The following RGS7 variants were observed in gnomAD, a reference collection of about 807,000 sequenced individuals.
RGS7 encodes regulator of G protein signaling 7.
RGS7 carries 27 observed loss-of-function variants against 81.1 expected under a neutral mutation model. The observed-to-expected ratio is 0.33, with a 90% CI of 0.25 to 0.46. The LOEUF is 0.46. Among genes scored for constraint, RGS7 ranks in the 20% least tolerant of loss-of-function variants. The probability of loss-of-function intolerance (pLI) is 1.00; values close to 1 mark genes in which losing one functional copy is unlikely to be tolerated. For synonymous variants in RGS7, 208 were observed against 207.7 expected (o/e 1.00, Z -0.01); for missense variants, 396 against 607.4 (o/e 0.65, Z 3.66).
intron 18 of RGS7, among the ~76,000 whole-genome samples, chr1:240,788,510 A>C (rs1016212651): frequency 1.3e-5 from 2 of 152,218 alleles, no homozygotes; most frequent in African/African-American, 4.8e-5. Context: ...GAATTGGTTA[A>C]ACATGAAAAC....
chr1:241,098,257 T>C (rs562950466), intron 3 of RGS7, among the ~76,000 whole-genome samples: 48 of 152,258 alleles, frequency 3.2e-4, no homozygotes, highest in Non-Finnish European at 3.1e-4. Context: ...TGAGCGAGTA[T>C]GGCTCTTCCT....
At chr1:240,832,913 C>T (rs1694087085) in intron 9 of RGS7, among the ~76,000 whole-genome samples, 1 of 152,094 alleles carries the variant, frequency 6.6e-6, no homozygotes, top group Non-Finnish European at 1.5e-5. Context: ...ATATGTTTTA[C>T]TACTGCCCAC....
At chr1:240,823,208 T>A in intron 10 of RGS7, 1 of 839,170 alleles carries the variant, frequency 1.2e-6, no homozygotes, top group African/African-American at 1.7e-5. Flanking sequence ...TCCATGGACT[T>A]CTTCGTATTC....
At chr1:241,125,229 T>C (rs1465318666) in intron 2 of RGS7, among the ~76,000 whole-genome samples, 1 of 152,052 alleles carries the variant, frequency 6.6e-6, no homozygotes. Flanking sequence ...CCATGCAGAG[T>C]CCAAACTCAG....
At chr1:241,040,461 CT>C (rs1179307707) in intron 3 of RGS7, among the ~76,000 whole-genome samples, 1 of 151,708 alleles carries the variant, frequency 6.6e-6, no homozygotes, top group African/African-American at 2.4e-5. Flanking sequence ...TATATGTAGA[CT>C]CACTTTTTAC....
At chr1:240,871,991 C>G (rs1403806631) in intron 6 of RGS7, among the ~76,000 whole-genome samples, 1 of 152,122 alleles carries the variant, frequency 6.6e-6, no homozygotes, top group African/African-American at 2.4e-5. Context: ...ATGTTTCTCA[C>G]CATTAGGTAC....
intron 2 of RGS7, among the ~76,000 whole-genome samples, chr1:241,250,251 A>C (rs957016212): frequency 1.3e-5 from 2 of 152,128 alleles, no homozygotes; most frequent in Non-Finnish European, 2.9e-5. Flanking sequence ...TTAATATCTA[A>C]ATCATTTTTA....
intron 9 of RGS7, among the ~76,000 whole-genome samples, chr1:240,843,412 T>G (rs1436590514): frequency 6.6e-6 from 1 of 152,032 alleles, no homozygotes; most frequent in African/African-American, 2.4e-5. Flanking sequence ...ACTACAGGTG[T>G]GTATCACCAT....
At chr1:241,342,000 G>A (rs540211961) in intron 2 of RGS7, among the ~76,000 whole-genome samples, 1 of 150,464 alleles carries the variant, frequency 6.6e-6, no homozygotes, top group Non-Finnish European at 1.5e-5. Context: ...TCACCCTCCG[G>A]AGTGGCTGAA....
chr1:240,860,118 C>T (rs1334891911), intron 9 of RGS7, among the ~76,000 whole-genome samples: 1 of 152,092 alleles, frequency 6.6e-6, no homozygotes, highest in African/African-American at 2.4e-5. Flanking sequence ...ACACAGAGTG[C>T]AATCTCTTCT....
intron 2 of RGS7, among the ~76,000 whole-genome samples, chr1:241,286,876 C>A (rs533778554): frequency 6.6e-6 from 1 of 152,188 alleles, no homozygotes; most frequent in Non-Finnish European, 1.5e-5. Flanking sequence ...CTACAATCAA[C>A]AAGGGACATC....
intron 18 of RGS7, among the ~76,000 whole-genome samples, chr1:240,795,798 C>T (rs1686956416): frequency 1.3e-5 from 2 of 151,974 alleles, no homozygotes; most frequent in South Asian, 2.1e-4. Flanking sequence ...AAGAATGTTT[C>T]AAAAGAATAT....
At chr1:241,264,190 T>G (rs940206425) in intron 2 of RGS7, among the ~76,000 whole-genome samples, 1 of 152,184 alleles carries the variant, frequency 6.6e-6, no homozygotes, top group Non-Finnish European at 1.5e-5. Flanking sequence ...CACAAGAACA[T>G]ATCTCCTTTT....
At chr1:241,310,462 A>G (rs1353096714) in intron 2 of RGS7, among the ~76,000 whole-genome samples, 1 of 97,356 alleles carries the variant, frequency 1.0e-5, no homozygotes, top group Admixed American at 1.4e-4. Flanking sequence ...TGTGTGTGAG[A>G]GTGTGTGTGT....
At chr1:240,989,602 G>A (rs1169903103) in intron 3 of RGS7, among the ~76,000 whole-genome samples, 1 of 151,988 alleles carries the variant, frequency 6.6e-6, no homozygotes, top group African/African-American at 2.4e-5. Flanking sequence ...GTTCCCGATG[G>A]CGTGCATTCT....
chr1:240,873,679 T>C (rs1346569522), intron 6 of RGS7, among the ~76,000 whole-genome samples: 1 of 152,180 alleles, frequency 6.6e-6, no homozygotes, highest in Admixed American at 6.5e-5. Flanking sequence ...ACAACACTGA[T>C]GCCCATGACA....
chr1:240,785,600 A>G (rs1452807403), intron 18 of RGS7, among the ~76,000 whole-genome samples: 5 of 152,210 alleles, frequency 3.3e-5, no homozygotes, highest in African/African-American at 1.2e-4. Flanking sequence ...ACTTCTAGAA[A>G]TCAGGGTAAT....
intron 2 of RGS7, among the ~76,000 whole-genome samples, chr1:241,121,707 G>GTTGTTTTT (rs2066267624): frequency 3.2e-5 from 2 of 62,282 alleles, no homozygotes; most frequent in East Asian, 6.9e-4. Flanking sequence ...TGTTGCAATT[G>GTTGTTTTT]TTCTTTTTTT....
At chr1:241,106,567 T>C (rs935647398) in intron 2 of RGS7, among the ~76,000 whole-genome samples, 13 of 147,746 alleles carry the variant, frequency 8.8e-5, no homozygotes, top group Admixed American at 4.7e-4. Flanking sequence ...TACAAAAAAA[T>C]TAGTCATGTG....
Sources: gnomAD v4.1 joint callset for allele counts (sites outside exome capture counted in the v4.1 genomes callset) on GRCh38, gnomAD v4.1.1 for gene constraint, MANE v1.5 for transcripts, NCBI Gene and HGNC (gene_info 2026-07-23, HGNC 2026-07-21) for gene names.